Variants in SLC12A7 observed in about 807,000 individuals in gnomAD.
The protein encoded by SLC12A7 is K-Cl cotransporter 4.
Under a neutral mutation model 120.6 loss-of-function variants are expected in SLC12A7, and 100 were observed. The ratio of observed to expected loss-of-function variants is 0.83; its 90% CI spans 0.71 to 0.98. SLC12A7 has a LOEUF of 0.98. SLC12A7 is among the 50% of genes least tolerant of loss of function. The pLI is 0.00. For synonymous variants in SLC12A7, 760 were observed against 678.0 expected, an observed-to-expected ratio of 1.12 and a Z score of -1.88; for missense variants, 1,373 against 1,548.1, an observed-to-expected ratio of 0.89 and a Z score of 1.90.
At chr5:1,118,090 A>G in the SLC12A7 span, among the ~76,000 whole-genome samples, 1 of 152,226 alleles carries the variant, frequency 6.6e-6, no homozygotes, top group African/African-American at 2.4e-5. Context: ...AAAGAAAAAA[A>G]GAACTGATCC....
Position 1,107,961 on chromosome 5 carries a change from C to T in SLC12A7, c.124+3907G>A, listed in dbSNP as rs148526327. On this transcript the variant is annotated intron_variant, in intron 1 of 23. Coordinates refer to ENST00000264930, the MANE Select transcript of SLC12A7 (RefSeq NM_006598.3). ...GGAACGGATACCCAACACCCAACAC[C>T]GCGTGACCCTCTGCTGTGGAGGAAG... is the stretch of plus-strand genomic sequence containing the variant. Among the ~76,000 whole-genome samples the T allele has an allele frequency of 9.5e-3, 1,452 of 152,224 alleles. 14 individuals are homozygous for T. Among genetic ancestry groups the T allele is most frequent in the Non-Finnish European group, 0.016 (1,105 of 68,022 alleles).
chr5:1,096,477 C>T (rs1043308979), intron 1 of SLC12A7, among the ~76,000 whole-genome samples: 9 of 151,938 alleles, frequency 5.9e-5, no homozygotes, highest in Middle Eastern at 3.4e-3. Context: ...GGTGTCTTTC[C>T]AAGATGAGTC....
At chr5:1,136,893 A>G in the SLC12A7 span, among the ~76,000 whole-genome samples, 1 of 148,148 alleles carries the variant, frequency 6.8e-6, no homozygotes, top group Admixed American at 6.8e-5. Context: ...ACAGCAGGAC[A>G]CGCAGGCACA....
chr5:1,091,596 A>G (rs528623360), intron 3 of SLC12A7, among the ~76,000 whole-genome samples: 1 of 152,320 alleles, frequency 6.6e-6, no homozygotes, highest in South Asian at 2.1e-4. Context: ...GCCTCAAGGT[A>G]GTGCCCAGCA....
intron 5 of SLC12A7, 22 bp downstream of exon 5, chr5:1,088,284 G>C: frequency 1.9e-6 from 3 of 1,575,742 alleles, no homozygotes; most frequent in Non-Finnish European, 2.6e-6. Context: ...ACTCAGGGCC[G>C]CGGCTGGCGG....
chr5:1,155,115 C>T, the SLC12A7 span, among the ~76,000 whole-genome samples: 1 of 151,646 alleles, frequency 6.6e-6, no homozygotes, highest in Non-Finnish European at 1.5e-5. Context: ...CCCTCGCCCA[C>T]CTCAGGCTTC....
the SLC12A7 span, among the ~76,000 whole-genome samples, chr5:1,150,627 G>A: frequency 3.9e-5 from 6 of 152,260 alleles, no homozygotes; most frequent in African/African-American, 9.6e-5. Context: ...ATGGACATGC[G>A]TTCAAGCATT....
chr5:1,109,513 C>T (rs1031927275), intron 1 of SLC12A7, among the ~76,000 whole-genome samples: 4 of 152,222 alleles, frequency 2.6e-5, no homozygotes, highest in Non-Finnish European at 5.9e-5. Flanking sequence ...TGCCCATCCC[C>T]GGGACAGGAC....
At chr5:1,134,217 C>T in the SLC12A7 span, among the ~76,000 whole-genome samples, 1 of 152,172 alleles carries the variant, frequency 6.6e-6, no homozygotes, top group Non-Finnish European at 1.5e-5. Flanking sequence ...TGCCTGTAAT[C>T]CCAGCACTTT....
chr5:1,102,115 C>T (rs1414549395), intron 1 of SLC12A7, among the ~76,000 whole-genome samples: 5 of 152,212 alleles, frequency 3.3e-5, no homozygotes, highest in Admixed American at 3.3e-4. Flanking sequence ...GCTTGTCCAA[C>T]CAGGCTGTGT....
At chr5:1,079,175 C>T (rs1323446688) in intron 10 of SLC12A7, among the ~76,000 whole-genome samples, 3 of 152,220 alleles carry the variant, frequency 2.0e-5, no homozygotes, top group Non-Finnish European at 4.4e-5. Flanking sequence ...GGCAGGGTGA[C>T]TGCTTCTGTT....
chr5:1,116,245 C>G (rs189517418), upstream of SLC12A7, among the ~76,000 whole-genome samples: 54 of 152,346 alleles, frequency 3.5e-4, no homozygotes, highest in East Asian at 9.7e-3. Flanking sequence ...ATGCCAGGCT[C>G]TTCCCAGGCA....
At chr5:1,091,392 T>G (rs1177962234) in intron 3 of SLC12A7, among the ~76,000 whole-genome samples, 3 of 152,208 alleles carry the variant, frequency 2.0e-5, no homozygotes, top group African/African-American at 7.2e-5. Flanking sequence ...TCCAGGCCAG[T>G]GGTGCCTGAG....
chr5:1,142,793 GCC>G, the SLC12A7 span, among the ~76,000 whole-genome samples: 1 of 147,166 alleles, frequency 6.8e-6, no homozygotes, highest in South Asian at 2.2e-4. Flanking sequence ...ACCATCAGCT[GCC>G]CCCCCCATAC....
chr5:1,103,451 A>C (rs1247502506), intron 1 of SLC12A7, among the ~76,000 whole-genome samples: 2 of 152,196 alleles, frequency 1.3e-5, no homozygotes, highest in Non-Finnish European at 2.9e-5. Flanking sequence ...AGAGACATGC[A>C]TGTGTACACA....
the SLC12A7 span, among the ~76,000 whole-genome samples, chr5:1,154,823 C>A: frequency 4.6e-5 from 7 of 152,248 alleles, no homozygotes; most frequent in African/African-American, 1.7e-4. Context: ...ATCGCAGTAA[C>A]CGCAGGTCTT....
chr5:1,054,627 G>A (rs954975151), intron 22 of SLC12A7, among the ~76,000 whole-genome samples: 11 of 152,258 alleles, frequency 7.2e-5, no homozygotes, highest in African/African-American at 2.4e-4. Context: ...GGCCCCCTGG[G>A]GGAGGTCACC....
At chr5:1,154,972 C>T in the SLC12A7 span, among the ~76,000 whole-genome samples, 8 of 152,344 alleles carry the variant, frequency 5.3e-5, no homozygotes, top group South Asian at 2.1e-4. Context: ...GGGTCCAGGC[C>T]TGGTGGCCTC....
At chr5:1,077,233 G>C (rs529730362) in intron 12 of SLC12A7, among the ~76,000 whole-genome samples, 9 of 152,338 alleles carry the variant, frequency 5.9e-5, no homozygotes, top group Admixed American at 5.9e-4. Flanking sequence ...CCTAGGCCCG[G>C]CTGGGACTGA....
Sources: allele counts gnomAD v4.1 joint callset (sites outside exome capture counted in the v4.1 genomes callset), GRCh38; gene constraint gnomAD v4.1.1; transcripts MANE v1.5; gene names NCBI Gene and HGNC (gene_info 2026-07-23, HGNC 2026-07-21).